The following PXDNL variants were observed in gnomAD, a reference collection of about 807,000 sequenced individuals.
The protein encoded by PXDNL is probable oxidoreductase PXDNL.
Under a neutral mutation model 150.8 loss-of-function variants are expected in PXDNL, and 145 were observed. That is an observed-to-expected ratio of 0.96 (90% CI 0.84 to 1.10). The LOEUF (loss-of-function observed/expected upper bound fraction) is 1.10, where lower values mean the gene tolerates loss of function less well. Among genes scored for constraint, PXDNL ranks in the 50% least tolerant of loss-of-function variants. The probability of loss-of-function intolerance (pLI) is 0.00; values close to 1 mark genes in which losing one functional copy is unlikely to be tolerated. For missense variants in PXDNL, 2,087 were observed against 1,873.9 expected (o/e 1.11, Z -2.10); for synonymous variants, 757 against 725.7 (o/e 1.04, Z -0.69).
intron 4 of PXDNL, among the ~76,000 whole-genome samples, chr8:51,547,151 C>A (rs188027567): frequency 1.5e-3 from 225 of 152,244 alleles, no homozygotes; most frequent in Non-Finnish European, 2.4e-3. Flanking sequence ...CTATCCTGAC[C>A]AATGTAGGGC....
At chr8:51,787,384 A>C (rs539936952) in intron 1 of PXDNL, among the ~76,000 whole-genome samples, 1 of 152,240 alleles carries the variant, frequency 6.6e-6, no homozygotes, top group Non-Finnish European at 1.5e-5. Context: ...CACCATTCTA[A>C]ATGCCATTAA....
intron 1 of PXDNL, among the ~76,000 whole-genome samples, chr8:51,663,414 C>T (rs1021302996): frequency 6.6e-6 from 1 of 152,174 alleles, no homozygotes; most frequent in Non-Finnish European, 1.5e-5. Flanking sequence ...AATTAGTGTT[C>T]CACGTTAAAT....
intron 19 of PXDNL, 77 bp from the exon 20 acceptor site, chr8:51,346,024 A>T: frequency 1.1e-6 from 1 of 882,900 alleles, no homozygotes; most frequent in Non-Finnish European, 1.9e-6. Flanking sequence ...TTTCTTTAAC[A>T]GTCAGAGAGG....
intron 17 of PXDNL, among the ~76,000 whole-genome samples, chr8:51,383,317 C>T (rs1390616797): frequency 6.6e-6 from 1 of 152,130 alleles, no homozygotes; most frequent in Non-Finnish European, 1.5e-5. Context: ...TGTCAACTTT[C>T]GCCCCCAAAC....
At chr8:51,729,258 A>G (rs544412906) in intron 1 of PXDNL, among the ~76,000 whole-genome samples, 10 of 152,350 alleles carry the variant, frequency 6.6e-5, no homozygotes, top group Non-Finnish European at 4.4e-5. Context: ...AAATATGTGC[A>G]AAATATATTT....
At position 51,592,622 on chromosome 8, in the gene PXDNL, C is replaced by T. The variant is rs1399443997; in HGVS notation, c.308+5G>A. On this transcript the variant is annotated splice_donor_5th_base_variant and intron_variant, in intron 3 of 22. Transcript: ENST00000356297. ...AAGGCATTGTTGTTTTTTCTTATAA[C>T]TTACAGATATAGCAAATTTTCAAGT... 5 of 1,538,164 alleles carry T rather than the reference C, an allele frequency of 3.3e-6. No individual in the cohort carries two copies. Among genetic ancestry groups the T allele is most frequent in the Middle Eastern group, 1.7e-4 (1 of 5,958 alleles).
intron 12 of PXDNL, among the ~76,000 whole-genome samples, chr8:51,431,246 C>T (rs183217783): frequency 6.6e-6 from 1 of 152,294 alleles, no homozygotes; most frequent in Non-Finnish European, 1.5e-5. Context: ...TCAGCCTCTC[C>T]TTCCTTTAGA....
At chr8:51,658,673 A>T (rs532775374) in intron 1 of PXDNL, among the ~76,000 whole-genome samples, 60 of 152,316 alleles carry the variant, frequency 3.9e-4, no homozygotes, top group Admixed American at 1.2e-3. Flanking sequence ...TTAAATTCAA[A>T]TGGCCACCAA....
intron 1 of PXDNL, among the ~76,000 whole-genome samples, chr8:51,743,666 G>A (rs948815242): frequency 2.0e-5 from 3 of 152,078 alleles, no homozygotes; most frequent in African/African-American, 7.2e-5. Flanking sequence ...ACAGGCATGA[G>A]CCACCATGCC....
At chr8:51,508,380 C>A (rs1811335474) in intron 4 of PXDNL, among the ~76,000 whole-genome samples, 2 of 152,200 alleles carry the variant, frequency 1.3e-5, no homozygotes, top group Admixed American at 1.3e-4. Flanking sequence ...GAGCTCAGCT[C>A]CTTTTGATCA....
intron 5 of PXDNL, among the ~76,000 whole-genome samples, chr8:51,498,120 T>G (rs1329520468): frequency 6.6e-6 from 1 of 152,058 alleles, no homozygotes; most frequent in Non-Finnish European, 1.5e-5. Context: ...GATGAGTTCA[T>G]GTCCTTTGTA....
chr8:51,556,841 G>C lies in PXDNL; in HGVS notation c.379C>G (p.Leu127Val). The C allele has an allele frequency of 6.5e-7, 1 of 1,545,914 alleles. No individual in the cohort carries two copies. The highest frequency in any genetic ancestry group is 1.1e-5 in the South Asian group (1 of 89,470). Residue 127 changes from leucine to valine, a missense_variant and splice_region_variant, in exon 4 of 23, where the codon CTG (leucine) becomes GTG (valine). Transcript: ENST00000356297. ...TFKGLISLEH[L>V]YIHFNQLEML... ...AATAAAAAAGTTTCTATTACTTACA[G>C]ATGTTCCAAAGATATGAGTCCTTTA...
chr8:51,676,879 A>T (rs1211050840), intron 1 of PXDNL, among the ~76,000 whole-genome samples: 1 of 152,170 alleles, frequency 6.6e-6, no homozygotes, highest in Non-Finnish European at 1.5e-5. Flanking sequence ...CCTGTCAAAA[A>T]TTTTTTCAGA....
chr8:51,406,828 A>G (rs1300804552), intron 17 of PXDNL, among the ~76,000 whole-genome samples: 1 of 152,164 alleles, frequency 6.6e-6, no homozygotes, highest in Non-Finnish European at 1.5e-5. Flanking sequence ...GATGCTGTTC[A>G]GTCATCTCGG....
At chr8:51,414,697 A>C (rs574207572) in intron 14 of PXDNL, among the ~76,000 whole-genome samples, 9 of 152,310 alleles carry the variant, frequency 5.9e-5, no homozygotes, top group African/African-American at 2.2e-4. Context: ...GAACATGAAC[A>C]AAATAACTAA....
intron 12 of PXDNL, among the ~76,000 whole-genome samples, chr8:51,441,044 C>A (rs1809533767): frequency 6.6e-6 from 1 of 152,122 alleles, no homozygotes; most frequent in East Asian, 1.9e-4. Flanking sequence ...GTAATAATTC[C>A]CACGTGTCAA....
intron 19 of PXDNL, among the ~76,000 whole-genome samples, chr8:51,365,748 T>C (rs979765220): frequency 6.6e-6 from 1 of 152,102 alleles, no homozygotes; most frequent in African/African-American, 2.4e-5. Context: ...CTGAGAGTGG[T>C]GATAAGGCCC....
At chr8:51,498,327 T>A (rs1811105699) in intron 5 of PXDNL, among the ~76,000 whole-genome samples, 2 of 151,646 alleles carry the variant, frequency 1.3e-5, no homozygotes, top group Admixed American at 6.6e-5. Context: ...ATATACCTAA[T>A]GTTAAATAAT....
chr8:51,442,073 C>T (rs1238996482), intron 12 of PXDNL, among the ~76,000 whole-genome samples: 1 of 151,990 alleles, frequency 6.6e-6, no homozygotes, highest in Non-Finnish European at 1.5e-5. Flanking sequence ...CAGAACAAAA[C>T]CCATGTGACA....
Sources: allele counts gnomAD v4.1 joint callset (sites outside exome capture counted in the v4.1 genomes callset), GRCh38; gene constraint gnomAD v4.1.1; transcripts MANE v1.5; gene names NCBI Gene and HGNC (gene_info 2026-07-23, HGNC 2026-07-21).